PCDHA9: variants seen among roughly 807,000 people sequenced by gnomAD.
PCDHA9 encodes the protein protocadherin alpha 9.
PCDHA9 carries 62 observed loss-of-function variants against 62.0 expected under a neutral mutation model. The observed-to-expected ratio is 1.00, with a 90% confidence interval of 0.81 to 1.23. The LOEUF is 1.23. Ranked by LOEUF, PCDHA9 falls within the 50% of genes most tolerant of loss-of-function variation. The pLI is 0.00. For synonymous variants in PCDHA9, 557 were observed against 567.6 expected (o/e 0.98, Z 0.27); for missense variants, 1,205 against 1,249.8 (o/e 0.96, Z 0.54).
At position 140,850,073 on chromosome 5, in the gene PCDHA9, G is replaced by A; in HGVS notation, c.1578G>A (p.Glu526=). The A allele has an allele frequency of 6.3e-7, 1 of 1,596,556 alleles. No individual in the cohort carries two copies. The highest frequency in any genetic ancestry group is 8.6e-7 in the Non-Finnish European group (1 of 1,167,840). Residue 526 remains glutamate (E), a synonymous_variant, in exon 1 of 4, where the codon GAG becomes GAA. Coordinates refer to ENST00000532602, the MANE Select transcript of PCDHA9 (RefSeq NM_031857.2). The part of the protein sequence containing the change: ...KVYALQPLDH[E]ELELLQFQVS... ...ACGCGCTGCAGCCGTTGGACCACGAGGAGCTGGAGCTGCTACAGTTCCAGG... is the reference window on the plus strand; with the variant it reads ...ACGCGCTGCAGCCGTTGGACCACGAAGAGCTGGAGCTGCTACAGTTCCAGG...
chr5:140,912,889 G>T (rs782116758), intron 1 of PCDHA9, among the ~76,000 whole-genome samples: 8 of 152,140 alleles, frequency 5.3e-5, no homozygotes, highest in Non-Finnish European at 1.2e-4. Context: ...TCATTCTGTT[G>T]ATATGATGTA....
chr5:141,000,387 CTCTCTCTCTATATATA>C (rs1282156924), intron 3 of PCDHA9, among the ~76,000 whole-genome samples: 8 of 66,888 alleles, frequency 1.2e-4, no homozygotes, highest in African/African-American at 4.0e-4. Flanking sequence ...CTCTCTCTCT[CTCTCTCTCTATATATA>C]TATATATATA....
chr5:140,861,872 G>T (rs1554155357), intron 1 of PCDHA9: 1 of 155,960 alleles, frequency 6.4e-6, no homozygotes, highest in Non-Finnish European at 1.4e-5. Context: ...TGATGGGGGC[G>T]AAGCTGAGCT....
intron 1 of PCDHA9, chr5:140,929,210 G>C (rs782078369): frequency 1.9e-6 from 3 of 1,614,070 alleles, no homozygotes; most frequent in Non-Finnish European, 2.5e-6. Context: ...CTGTTGCGTG[G>C]GGAGTACAAT....
chr5:140,954,355 G>A (rs10054520), intron 1 of PCDHA9, among the ~76,000 whole-genome samples: 9 of 152,232 alleles, frequency 5.9e-5, no homozygotes, highest in African/African-American at 1.7e-4. Context: ...TTGAGGAATC[G>A]CCACACAGTC....
At chr5:140,870,426 C>G (rs574302735) in intron 1 of PCDHA9, 1 of 1,614,208 alleles carries the variant, frequency 6.2e-7, no homozygotes, top group African/African-American at 1.3e-5. Flanking sequence ...CCAGGGTATC[C>G]GTGGAGGTGG....
chr5:140,989,215 C>T (rs1162430361), intron 3 of PCDHA9, among the ~76,000 whole-genome samples: 1 of 152,108 alleles, frequency 6.6e-6, no homozygotes, highest in Non-Finnish European at 1.5e-5. Flanking sequence ...CTTTATACAC[C>T]ATTCTTTGTA....
intron 1 of PCDHA9, chr5:140,851,191 T>C: frequency 8.2e-7 from 1 of 1,215,936 alleles, no homozygotes; most frequent in South Asian, 3.0e-5. Context: ...ACCAATTTAG[T>C]TGTTAGTCAT....
intron 1 of PCDHA9, among the ~76,000 whole-genome samples, chr5:140,893,560 T>C (rs964266537): frequency 4.6e-5 from 7 of 152,232 alleles, no homozygotes; most frequent in Admixed American, 4.6e-4. Flanking sequence ...AGTTGTAGTG[T>C]ACTTCCTCAG....
chr5:140,859,677 A>G (rs942745951), intron 1 of PCDHA9: 1 of 154,782 alleles, frequency 6.5e-6, no homozygotes, highest in South Asian at 2.0e-4. Context: ...GCTTCAAATA[A>G]AATTAAAATT....
rs140322145 is a variant in PCDHA9, at chr5:140,968,725, T to C, written c.2395-10224T>C. ...CCAGGAAGATGGGAGATGAGAGTGG[T>C]AGCACTTTCAACCTGACCGTGGTGG... On this transcript the variant is annotated intron_variant, in intron 1 of 3. Coordinates refer to ENST00000532602, the MANE Select transcript of PCDHA9 (RefSeq NM_031857.2). 3.1e-6 allele frequency: 5 copies of C among 1,613,932 alleles called. No individual in the cohort carries two copies. In the African/African-American group the frequency reaches 6.7e-5, roughly 22 times the overall value.
intron 1 of PCDHA9, chr5:140,868,497 T>C (rs1458506620): frequency 1.3e-5 from 2 of 152,376 alleles, no homozygotes; most frequent in Admixed American, 6.5e-5. Flanking sequence ...TTGAGTTCCC[T>C]AGCAGCCAAA....
rs945250298 is a variant in PCDHA9 at position 140,897,146 on chromosome 5, A to G, written c.2394+46257A>G. Among the ~76,000 whole-genome samples the G allele has an allele frequency of 5.3e-5, 8 of 152,258 alleles. No individual in the cohort carries two copies. In the East Asian group the frequency reaches 1.5e-3, roughly 29 times the overall value. On this transcript the variant is annotated intron_variant, in intron 1 of 3. Coordinates refer to ENST00000532602, the MANE Select transcript of PCDHA9 (RefSeq NM_031857.2). Reference sequence around the variant, plus strand: ...CCCACTAAACTTTCTAGCCTTTGTTAACCATTCTTCTACTGTCTATCTCCA... The same window carrying G: ...CCCACTAAACTTTCTAGCCTTTGTTGACCATTCTTCTACTGTCTATCTCCA...
At chr5:140,920,069 G>C (rs527472900) in intron 1 of PCDHA9, among the ~76,000 whole-genome samples, 1 of 152,288 alleles carries the variant, frequency 6.6e-6, no homozygotes, top group Non-Finnish European at 1.5e-5. Context: ...GGAAAAGGCA[G>C]AAACAGATTC....
At chr5:140,861,734 A>G in intron 1 of PCDHA9, 1 of 190,940 alleles carries the variant, frequency 5.2e-6, no homozygotes, top group Non-Finnish European at 1.1e-5. Flanking sequence ...GATGACTTAC[A>G]TACTGTGCCG....
chr5:140,971,500 TAGG>T (rs2096483491), intron 1 of PCDHA9, among the ~76,000 whole-genome samples: 2 of 152,136 alleles, frequency 1.3e-5, no homozygotes, highest in Admixed American at 1.3e-4. Flanking sequence ...TGTGGCAAGA[TAGG>T]AGCAAAAGCC....
rs2150531861 is a variant in PCDHA9, at chr5:140,853,433, C to T, written c.2394+2544C>T. Reference sequence around the variant, plus strand: ...AGGTGAAAGCAGAAGAGACACTTTCCTATTTTGCCTAATAGGTCTCCTTAT... The same window carrying T: ...AGGTGAAAGCAGAAGAGACACTTTCTTATTTTGCCTAATAGGTCTCCTTAT... On this transcript the variant is annotated intron_variant, in intron 1 of 3. Coordinates refer to ENST00000532602, the MANE Select transcript of PCDHA9 (RefSeq NM_031857.2). The T allele has an allele frequency of 2.1e-5, 21 of 984,946 alleles. 3 individuals carry two copies. The highest frequency in any genetic ancestry group is 2.3e-5 in the Non-Finnish European group (19 of 817,128). 61.0% of individuals were successfully genotyped at this position (984,946 alleles called of 1,614,324 possible).
chr5:140,850,863 T>C lies in PCDHA9; in HGVS notation c.2368T>C (p.Ser790Pro), dbSNP rs2150500955. 38 of 1,592,804 alleles carry C rather than the reference T, an allele frequency of 2.4e-5. 2 individuals are homozygous for C. Among genetic ancestry groups the C allele is most frequent in the Non-Finnish European group, 3.2e-5 (37 of 1,163,928 alleles). Residue 790 changes from serine (S) to proline (P), a missense_variant, in exon 1 of 4, where the codon TCT becomes CCT. Physicochemically the swap from Ser to Pro is moderately conservative, Grantham distance 74 (BLOSUM62 -1). This residue lies in a region of PCDHA9 where 887 missense variants were observed against 809.5 expected (regional missense o/e 1.10). Transcript: ENST00000532602. ...ATCTACAGAGCGAACGGGAGAACCC[T>C]CTGCTTCCTCAGATTCAACTGGGAA... ...AGSTERTGEP[S>P]ASSDSTGKPR...
At chr5:140,884,471 G>A (rs2060197778) in intron 1 of PCDHA9, 1 of 1,613,802 alleles carries the variant, frequency 6.2e-7, no homozygotes, top group Non-Finnish European at 8.5e-7. Flanking sequence ...GTGCGCGCCG[G>A]GCAAGCCCAC....
Sources: allele counts gnomAD v4.1 joint callset (sites outside exome capture counted in the v4.1 genomes callset), GRCh38; gene constraint gnomAD v4.1.1; regional missense constraint gnomAD v4.1.1; transcripts MANE v1.5; gene names NCBI Gene and HGNC (gene_info 2026-07-23, HGNC 2026-07-21).